Variants in SHCBP1L observed in about 807,000 individuals in gnomAD.
The protein encoded by SHCBP1L is testicular spindle-associated protein SHCBP1L.
A neutral mutation model predicts 62.5 loss-of-function variants in SHCBP1L; 67 were observed. That is an observed-to-expected ratio of 1.07 (90% confidence interval 0.88 to 1.31). The LOEUF (loss-of-function observed/expected upper bound fraction) is 1.31, where lower values mean the gene tolerates loss of function less well. Among genes scored for constraint, SHCBP1L ranks in the 40% most tolerant of loss-of-function variants. The pLI is 0.00. For synonymous variants in SHCBP1L, 284 were observed against 289.4 expected, an observed-to-expected ratio of 0.98 and a Z score of 0.19; for missense variants, 823 against 809.8, an observed-to-expected ratio of 1.02 and a Z score of -0.20.
At chr1:182,912,904 A>G (rs1650234517) in intron 6 of SHCBP1L, among the ~76,000 whole-genome samples, 1 of 151,730 alleles carries the variant, frequency 6.6e-6, no homozygotes, top group Non-Finnish European at 1.5e-5. Context: ...TGGGAGGCTG[A>G]GGTGGGTGGA....
intron 6 of SHCBP1L, among the ~76,000 whole-genome samples, chr1:182,910,032 A>G (rs1278066475): frequency 3.3e-5 from 5 of 152,252 alleles, no homozygotes; most frequent in Admixed American, 3.3e-4. Flanking sequence ...TGCTATTTAA[A>G]ATAGAACAGA....
At chr1:182,932,027 T>C in intron 5 of SHCBP1L, among the ~76,000 whole-genome samples, 1 of 147,844 alleles carries the variant, frequency 6.8e-6, no homozygotes, top group Non-Finnish European at 1.5e-5. Context: ...AGTCATACAG[T>C]ATGTAGCCTT....
intron 2 of SHCBP1L, chr1:182,950,429 C>A (rs1477753605): frequency 6.6e-6 from 1 of 152,044 alleles, no homozygotes; most frequent in Non-Finnish European, 1.5e-5. Context: ...AGTTCGAGAC[C>A]AGTCTGGCCA....
At chr1:182,900,839 C>A (rs571442776) in intron 9 of SHCBP1L, among the ~76,000 whole-genome samples, 1 of 151,772 alleles carries the variant, frequency 6.6e-6, no homozygotes, top group Non-Finnish European at 1.5e-5. Flanking sequence ...TCGAGACCTG[C>A]CTGGGCAATA....
intron 6 of SHCBP1L, among the ~76,000 whole-genome samples, chr1:182,906,450 A>G (rs1650015646): frequency 6.9e-6 from 1 of 145,726 alleles, no homozygotes; most frequent in African/African-American, 2.6e-5. Flanking sequence ...TTTTTTTCCG[A>G]GATCGAATTT....
At chr1:182,931,943 ATTTTTTTTTTTTT>A (rs1164377476) in intron 5 of SHCBP1L, among the ~76,000 whole-genome samples, 8 of 69,656 alleles carry the variant, frequency 1.1e-4, no homozygotes, top group East Asian at 5.6e-4. Context: ...GGAACCACTG[ATTTTTTTTTTTTT>A]TTTTTTTTTT....
At chr1:182,948,090 G>A (rs1406612697) in intron 2 of SHCBP1L, among the ~76,000 whole-genome samples, 1 of 152,156 alleles carries the variant, frequency 6.6e-6, no homozygotes, top group African/African-American at 2.4e-5. Flanking sequence ...TACGATATCA[G>A]CAAGGCTTCC....
chr1:182,933,865 G>A (rs938190938), intron 5 of SHCBP1L, among the ~76,000 whole-genome samples: 7 of 152,056 alleles, frequency 4.6e-5, no homozygotes, highest in African/African-American at 1.7e-4. Flanking sequence ...TTGGGAAATT[G>A]TTACCTTTTA....
chr1:182,924,099 G>A (rs1206621775), intron 6 of SHCBP1L, among the ~76,000 whole-genome samples: 2 of 152,078 alleles, frequency 1.3e-5, no homozygotes, highest in African/African-American at 4.8e-5. Flanking sequence ...CAATGTCCAA[G>A]CTGAAGAACT....
At chr1:182,910,147 A>C (rs1243453478) in intron 6 of SHCBP1L, among the ~76,000 whole-genome samples, 2 of 152,224 alleles carry the variant, frequency 1.3e-5, no homozygotes, top group African/African-American at 4.8e-5. Flanking sequence ...TGGCTCTTCC[A>C]CTGAAGCAAA....
At chr1:182,900,982 G>T (rs113729298) in intron 9 of SHCBP1L, among the ~76,000 whole-genome samples, 1 of 152,192 alleles carries the variant, frequency 6.6e-6, no homozygotes, top group Admixed American at 6.5e-5. Context: ...AACCCATGAA[G>T]CTGATCTCTT....
At chr1:182,940,006 G>C (rs1285904034) in intron 3 of SHCBP1L, among the ~76,000 whole-genome samples, 1 of 151,962 alleles carries the variant, frequency 6.6e-6, no homozygotes, top group Non-Finnish European at 1.5e-5. Context: ...TTTGAGAAAT[G>C]AATGTTAATA....
chr1:182,917,535 C>T (rs975424617), intron 6 of SHCBP1L, among the ~76,000 whole-genome samples: 1 of 152,260 alleles, frequency 6.6e-6, no homozygotes, highest in African/African-American at 2.4e-5. Context: ...TGAGTCACTG[C>T]ACCCGGCCAG....
intron 1 of SHCBP1L, 29 bp from the exon 2 acceptor site, chr1:182,951,496 T>A (rs779121462): frequency 2.8e-6 from 4 of 1,444,758 alleles, no homozygotes; most frequent in Non-Finnish European, 3.7e-6. Context: ...GATCTACATA[T>A]AAATATATGA....
chr1:182,932,220 CA>C (rs1358675349), intron 5 of SHCBP1L, among the ~76,000 whole-genome samples: 1 of 151,840 alleles, frequency 6.6e-6, no homozygotes, highest in African/African-American at 2.4e-5. Flanking sequence ...TGGTTGCTTC[CA>C]AGTTTCAGCA....
intron 2 of SHCBP1L, chr1:182,942,465 G>T: frequency 1.5e-6 from 1 of 667,600 alleles, no homozygotes; most frequent in South Asian, 1.6e-5. Context: ...GAGCCTCCGC[G>T]AAACTGGGCT....
chr1:182,911,872 T>C (rs550468132), intron 6 of SHCBP1L, among the ~76,000 whole-genome samples: 2 of 152,326 alleles, frequency 1.3e-5, no homozygotes, highest in South Asian at 4.1e-4. Context: ...TGGGATATTA[T>C]GAAGCATATA....
intron 7 of SHCBP1L, 98 bp downstream of exon 7, chr1:182,905,398 T>C: frequency 8.1e-7 from 1 of 1,231,962 alleles, no homozygotes; most frequent in Non-Finnish European, 1.1e-6. Flanking sequence ...ACATAAATTC[T>C]ATTGTAATTT....
intron 5 of SHCBP1L, among the ~76,000 whole-genome samples, chr1:182,934,367 T>C (rs2101946491): frequency 6.6e-6 from 1 of 152,318 alleles, no homozygotes; most frequent in South Asian, 2.1e-4. Context: ...ATCAGCTTTT[T>C]GGATTTTAGC....
Sources: allele counts gnomAD v4.1 joint callset (sites outside exome capture counted in the v4.1 genomes callset), GRCh38; gene constraint gnomAD v4.1.1; transcripts MANE v1.5; gene names NCBI Gene and HGNC (gene_info 2026-07-23, HGNC 2026-07-21).